Variants in RAB3GAP1 observed in about 807,000 individuals in gnomAD.
RAB3GAP1 encodes RAB3 GTPase activating protein catalytic subunit 1.
In RAB3GAP1, 86 loss-of-function variants were observed where a neutral mutation model predicts 130.7. The observed-to-expected ratio is 0.66, with a 90% CI of 0.55 to 0.79. The LOEUF (loss-of-function observed/expected upper bound fraction) is 0.79. Among genes scored for constraint, RAB3GAP1 ranks in the 30% least tolerant of loss-of-function variants. The pLI, the probability that RAB3GAP1 is intolerant of heterozygous loss-of-function variation, is 0.00. For synonymous variants in RAB3GAP1, 367 were observed against 401.7 expected, an observed-to-expected ratio of 0.91 and a Z score of 1.03; for missense variants, 1,029 against 1,169.4, an observed-to-expected ratio of 0.88 and a Z score of 1.75.
intron 3 of RAB3GAP1, among the ~76,000 whole-genome samples, chr2:135,066,370 A>AT (rs1326277323): frequency 1.3e-5 from 2 of 152,226 alleles, no homozygotes; most frequent in African/African-American, 4.8e-5. Context: ...CAGCTATGGT[A>AT]TTGGTATCAT....
chr2:135,106,603 A>G (rs1690628450), intron 5 of RAB3GAP1, among the ~76,000 whole-genome samples: 1 of 152,116 alleles, frequency 6.6e-6, no homozygotes. Flanking sequence ...GTATCCAGGG[A>G]CACAAACACT....
At chr2:135,113,389 T>C (rs1245623751) in intron 6 of RAB3GAP1, 119 bp downstream of exon 6, 1 of 1,324,144 alleles carries the variant, frequency 7.6e-7, no homozygotes, top group Non-Finnish European at 1.1e-6. Flanking sequence ...TGCATATATA[T>C]TGTTAAACTA....
chr2:135,096,664 G>A (rs1360293391), intron 5 of RAB3GAP1, among the ~76,000 whole-genome samples: 1 of 152,140 alleles, frequency 6.6e-6, no homozygotes, highest in Non-Finnish European at 1.5e-5. Flanking sequence ...CTTACTTACT[G>A]TTTGGCTATA....
intron 17 of RAB3GAP1, among the ~76,000 whole-genome samples, chr2:135,145,274 C>G (rs1239784178): frequency 6.6e-6 from 1 of 152,034 alleles, no homozygotes; most frequent in Non-Finnish European, 1.5e-5. Context: ...TTGCAACACA[C>G]AATACATTGT....
At chr2:135,128,893 A>G (rs535444130) in intron 11 of RAB3GAP1, among the ~76,000 whole-genome samples, 124 of 152,324 alleles carry the variant, frequency 8.1e-4, no homozygotes, top group African/African-American at 2.7e-3. Flanking sequence ...GCTCATGCCT[A>G]TAATCCCAGC....
At chr2:135,106,776 TA>T (rs1459730758) in intron 5 of RAB3GAP1, among the ~76,000 whole-genome samples, 1 of 79,424 alleles carries the variant, frequency 1.3e-5, no homozygotes, top group East Asian at 3.2e-4. Context: ...AATAAAAAAA[TA>T]AAAAAGTAAA....
At chr2:135,130,947 A>G (rs560122388) in intron 13 of RAB3GAP1, among the ~76,000 whole-genome samples, 1 of 152,230 alleles carries the variant, frequency 6.6e-6, no homozygotes, top group African/African-American at 2.4e-5. Flanking sequence ...AGAGCACAGC[A>G]GGGGTGCATT....
chr2:135,125,010 A>G (rs912011576), intron 9 of RAB3GAP1, among the ~76,000 whole-genome samples: 11 of 152,214 alleles, frequency 7.2e-5, no homozygotes, highest in Non-Finnish European at 1.5e-4. Flanking sequence ...GTACAATTCA[A>G]TGGTATTTTA....
rs767940621 is a variant in RAB3GAP1 at position 135,126,206 on chromosome 2, C to T, written c.856C>T (p.Pro286Ser). 1 of 1,613,000 alleles carries T rather than the reference C, an allele frequency of 6.2e-7. No homozygotes were observed. The highest frequency in any genetic ancestry group is 8.5e-7 in the Non-Finnish European group (1 of 1,179,224). The part of the protein sequence containing the change: ...ISELHLATTW[P>S]HLTEGIIVDN... ...TGAACTCCATTTAGCTACTACATGGCCTCATCTGACCGAAGGGATCATTGT... is the reference window on the plus strand; with the variant it reads ...TGAACTCCATTTAGCTACTACATGGTCTCATCTGACCGAAGGGATCATTGT... The change falls in exon 10 of 24, where the codon CCT becomes TCT. Residue 286 changes from proline (P) to serine (S), a missense_variant. Around this residue, in one of 3 missense-constraint regions of RAB3GAP1, gnomAD observed 510 missense variants for 532.1 expected, o/e 0.96. Coordinates refer to ENST00000264158, the MANE Select transcript of RAB3GAP1 (RefSeq NM_012233.3).
At position 135,153,758 on chromosome 2, in the gene RAB3GAP1, A is replaced by C; in HGVS notation, c.2171A>C (p.Glu724Ala). 6.2e-7 allele frequency: 1 copy of C among 1,613,992 alleles called. No homozygotes were observed. The highest frequency in any genetic ancestry group is 8.5e-7 in the Non-Finnish European group (1 of 1,179,918). The change falls in exon 19 of 24, where the codon GAA (glutamate) becomes GCA (alanine). Residue 724 changes from glutamate to alanine, a missense_variant. Coordinates refer to ENST00000264158, the MANE Select transcript of RAB3GAP1 (RefSeq NM_012233.3). ...DEKGNVVLKG[E>A]LSARMKIPSN... ...AAGGGCAATGTGGTGCTGAAAGGAG[A>C]ACTGAGTGCCCGGATGAAGATTCCA...
chr2:135,124,510 T>A (rs1691293751), intron 9 of RAB3GAP1, among the ~76,000 whole-genome samples: 1 of 152,078 alleles, frequency 6.6e-6, no homozygotes, highest in African/African-American at 2.4e-5. Flanking sequence ...CTAAAGAATG[T>A]CAAAATTAAC....
chr2:135,164,935 G>A (rs1201399566), intron 23 of RAB3GAP1, among the ~76,000 whole-genome samples: 1 of 152,154 alleles, frequency 6.6e-6, no homozygotes, highest in Non-Finnish European at 1.5e-5. Flanking sequence ...AATTAGAAGA[G>A]TCCAAAATCC....
intron 3 of RAB3GAP1, among the ~76,000 whole-genome samples, chr2:135,086,982 TG>T (rs1285737345): frequency 6.6e-6 from 1 of 152,194 alleles, no homozygotes; most frequent in Non-Finnish European, 1.5e-5. Context: ...TTTTCTTAAC[TG>T]TGTCTTTTGA....
In RAB3GAP1 at chr2:135,152,398, GTA is replaced by G. The variant is rs1692201690; in HGVS notation, c.2062-1249_2062-1248del. Among the ~76,000 whole-genome samples the G allele has an allele frequency of 2.0e-5, 3 of 152,340 alleles. No homozygotes were observed. In the South Asian group the frequency reaches 6.2e-4, roughly 32 times the overall value. On this transcript the variant is annotated intron_variant, in intron 18 of 23. Transcript: ENST00000264158. The stretch of plus-strand genomic sequence containing the variant: ...AGGACAACCAGAAAGAAGAATTTTG[GTA>G]TGAAATGCCTTTCTTCAATATAATC...
intron 3 of RAB3GAP1, chr2:135,058,353 T>C (rs931376886): frequency 4.0e-6 from 1 of 252,170 alleles, no homozygotes; most frequent in Non-Finnish European, 7.4e-6. Context: ...AGTGATTCTT[T>C]GTGAGTGAAG....
At chr2:135,136,339 A>G (rs1376536760) in intron 17 of RAB3GAP1, among the ~76,000 whole-genome samples, 1 of 152,186 alleles carries the variant, frequency 6.6e-6, no homozygotes. Context: ...AAGAAAAAAA[A>G]AGTGTTTATG....
Position 135,169,104 on chromosome 2 carries a change from CT to C in RAB3GAP1, c.*324del, listed in dbSNP as rs1207886923. 2.4e-6 allele frequency: 1 copy of C among 418,876 alleles called. No individual in the cohort carries two copies. The highest frequency in any genetic ancestry group is 5.3e-5 in the East Asian group (1 of 18,996). The allele number at this position is 418,876 out of a possible 1,614,324, so 25.9% of individuals were successfully genotyped here. A position where few individuals can be genotyped will look rare whatever the true frequency, so the allele number is the denominator to read the frequency against. On this transcript the variant is annotated 3_prime_UTR_variant, in exon 24 of 24. Transcript: ENST00000264158. ...AGGACGGTGTTCATCGCATTCTCTT[CT>C]GTGACCAGCCTCTAGGCTAGCGGCT...
chr2:135,056,295 T>G (rs111385589), intron 2 of RAB3GAP1, among the ~76,000 whole-genome samples: 8,219 of 152,096 alleles, frequency 0.054, 416 homozygotes, highest in African/African-American at 0.14. Context: ...CTCTGCCACC[T>G]GGGTTCAACC....
chr2:135,081,330 ATATATATATAT>A (rs1558766431), intron 3 of RAB3GAP1, among the ~76,000 whole-genome samples: 63 of 75,464 alleles, frequency 8.3e-4, no homozygotes, highest in African/African-American at 3.5e-3. Context: ...AAAAAAAAAT[ATATATATATAT>A]ATATATATAT....
Sources: gnomAD v4.1 joint callset for allele counts (sites outside exome capture counted in the v4.1 genomes callset) on GRCh38, gnomAD v4.1.1 for gene constraint, gnomAD v4.1.1 regional missense constraint, MANE v1.5 for transcripts, NCBI Gene and HGNC (gene_info 2026-07-23, HGNC 2026-07-21) for gene names.